The following FAF1 variants were observed in gnomAD, a reference collection of about 807,000 sequenced individuals.
The protein encoded by FAF1 is Fas associated factor 1, also known as FAS-associated factor 1.
FAF1 carries 25 observed loss-of-function variants against 92.5 expected under a neutral mutation model. The ratio of observed to expected loss-of-function variants is 0.27; its 90% CI spans 0.20 to 0.38. FAF1 has a LOEUF of 0.38. FAF1 is among the 10% of genes least tolerant of loss of function. The pLI, the probability that FAF1 is intolerant of heterozygous loss-of-function variation, is 1.00. For missense variants in FAF1, 636 were observed against 793.3 expected (o/e 0.80, Z 2.38); for synonymous variants, 234 against 273.2 (o/e 0.86, Z 1.42).
chr1:50,826,958 G>A (rs956574486), intron 2 of FAF1, among the ~76,000 whole-genome samples: 2 of 151,454 alleles, frequency 1.3e-5, no homozygotes, highest in Admixed American at 1.3e-4. Context: ...CCCCGTCTGG[G>A]AGGTGAGGAG....
At chr1:50,835,486 G>A (rs1336366141) in intron 2 of FAF1, among the ~76,000 whole-genome samples, 1 of 147,872 alleles carries the variant, frequency 6.8e-6, no homozygotes, top group Non-Finnish European at 1.5e-5. Context: ...CAGGAGAATC[G>A]CTTGAACCCA....
chr1:50,794,789 A>ATTTTTTTTTT (rs59806816), intron 3 of FAF1, among the ~76,000 whole-genome samples: 8 of 123,484 alleles, frequency 6.5e-5, no homozygotes, highest in Non-Finnish European at 1.0e-4. Flanking sequence ...TCACCCAGCT[A>ATTTTTTTTTT]TTTTTTTTTT....
At chr1:50,638,445 C>CTTTTTCT (rs1654164569) in intron 8 of FAF1, among the ~76,000 whole-genome samples, 1 of 131,628 alleles carries the variant, frequency 7.6e-6, no homozygotes, top group Non-Finnish European at 1.6e-5. Context: ...TTTTCTTTTT[C>CTTTTTCT]TTTTTTTTTT....
chr1:50,958,766 G>C lies in FAF1; in HGVS notation c.45+1001C>G, dbSNP rs564298810. ...AAAAGCCCAACAAAATTTCAGCAAG[G>C]AAAAATACTGCCTACTAAGCTAGTG... On this transcript the variant is annotated intron_variant, in intron 1 of 18. Coordinates refer to ENST00000396153, the MANE Select transcript of FAF1 (RefSeq NM_007051.3). 1.6e-4 allele frequency among the ~76,000 whole-genome samples: 25 copies of C among 152,132 alleles called. No individual in the cohort carries two copies. The South Asian group carries it at 5.0e-3, about 30-fold the overall frequency.
At chr1:50,891,870 T>TACTCTCTTCA (rs1313900468) in intron 1 of FAF1, among the ~76,000 whole-genome samples, 1 of 152,216 alleles carries the variant, frequency 6.6e-6, no homozygotes, top group African/African-American at 2.4e-5. Context: ...GGAGAACCAA[T>TACTCTCTTCA]ACTCTCTTCA....
chr1:50,542,960 T>C (rs1648828556), intron 13 of FAF1, among the ~76,000 whole-genome samples: 1 of 152,226 alleles, frequency 6.6e-6, no homozygotes, highest in South Asian at 2.1e-4. Context: ...GATATACTTT[T>C]ATATTTTCCA....
intron 7 of FAF1, among the ~76,000 whole-genome samples, chr1:50,675,938 C>T (rs1656099119): frequency 1.3e-5 from 2 of 152,304 alleles, no homozygotes; most frequent in Non-Finnish European, 2.9e-5. Flanking sequence ...TTCATGCTCA[C>T]ATCAATTCTA....
chr1:50,548,422 A>G (rs1649137764), intron 13 of FAF1, among the ~76,000 whole-genome samples: 1 of 152,198 alleles, frequency 6.6e-6, no homozygotes. Flanking sequence ...CTGTATTCCT[A>G]GCACCTACTA....
intron 1 of FAF1, among the ~76,000 whole-genome samples, chr1:50,927,957 A>G (rs1645019036): frequency 6.6e-6 from 1 of 152,174 alleles, no homozygotes; most frequent in Non-Finnish European, 1.5e-5. Flanking sequence ...CATGTTGTGC[A>G]AATTCAAACT....
At chr1:50,446,891 G>C (rs1646233059) in intron 18 of FAF1, among the ~76,000 whole-genome samples, 2 of 151,852 alleles carry the variant, frequency 1.3e-5, no homozygotes, top group Admixed American at 6.6e-5. Flanking sequence ...CTGTAGATTA[G>C]GAAACAAGAC....
chr1:50,438,262 G>A lies in FAF1; in HGVS notation c.*3178C>T, dbSNP rs1646143447. 1 of 152,162 alleles carries A rather than the reference G, an allele frequency of 6.6e-6. No individual in the cohort carries two copies. Among genetic ancestry groups the A allele is most frequent in the Non-Finnish European group, 1.5e-5 (1 of 68,058 alleles). 9.4% of individuals were successfully genotyped at this position (152,162 alleles called of 1,614,324 possible). A position where few individuals can be genotyped will look rare whatever the true frequency, so the allele number is the denominator to read the frequency against. ...TCCAATTGCAAAGTGCTATCAGAAT[G>A]TTGTAAGGACACTGAGGTTCAGAGA... On this transcript the variant is annotated 3_prime_UTR_variant, in exon 19 of 19. Coordinates refer to ENST00000396153, the MANE Select transcript of FAF1 (RefSeq NM_007051.3).
At chr1:50,725,103 T>C (rs1298220181) in intron 6 of FAF1, among the ~76,000 whole-genome samples, 1 of 152,238 alleles carries the variant, frequency 6.6e-6, no homozygotes, top group Non-Finnish European at 1.5e-5. Flanking sequence ...ATCAGGTGCT[T>C]GCCCGGCCAT....
chr1:50,892,525 T>C (rs1644728333), intron 1 of FAF1, among the ~76,000 whole-genome samples: 1 of 152,228 alleles, frequency 6.6e-6, no homozygotes, highest in South Asian at 2.1e-4. Context: ...TGCCACTCTC[T>C]GCAGCCTGTA....
At chr1:50,710,648 G>C (rs906483626) in intron 6 of FAF1, among the ~76,000 whole-genome samples, 1 of 151,864 alleles carries the variant, frequency 6.6e-6, no homozygotes, top group Non-Finnish European at 1.5e-5. Flanking sequence ...TGTCACCCAG[G>C]CTGGAGTGCA....
At chr1:50,793,825 C>T (rs963920240) in intron 3 of FAF1, among the ~76,000 whole-genome samples, 3 of 152,134 alleles carry the variant, frequency 2.0e-5, no homozygotes, top group Non-Finnish European at 4.4e-5. Context: ...ATAGATTGGT[C>T]CTGAATTGCA....
intron 1 of FAF1, among the ~76,000 whole-genome samples, chr1:50,911,896 G>T (rs1644888451): frequency 6.6e-6 from 1 of 151,954 alleles, no homozygotes; most frequent in Non-Finnish European, 1.5e-5. Context: ...AATCAATCAG[G>T]CATGGTGGCA....
At chr1:50,628,541 A>G (rs1241792832) in intron 8 of FAF1, among the ~76,000 whole-genome samples, 1 of 152,128 alleles carries the variant, frequency 6.6e-6, no homozygotes, top group African/African-American at 2.4e-5. Flanking sequence ...CAATTAGTAA[A>G]CCCTTGGCTA....
intron 7 of FAF1, among the ~76,000 whole-genome samples, chr1:50,701,094 T>A (rs1569795134): frequency 6.6e-6 from 1 of 152,146 alleles, no homozygotes; most frequent in African/African-American, 2.4e-5. Context: ...GAAAGCTGAA[T>A]AAAGGCTTGA....
intron 13 of FAF1, among the ~76,000 whole-genome samples, chr1:50,546,512 C>G (rs764390709): frequency 3.3e-5 from 5 of 151,824 alleles, no homozygotes; most frequent in African/African-American, 1.2e-4. Context: ...ATTACAGGCA[C>G]GCGCCACCAC....
Sources: gnomAD v4.1 joint callset for allele counts (sites outside exome capture counted in the v4.1 genomes callset) on GRCh38, gnomAD v4.1.1 for gene constraint, MANE v1.5 for transcripts, NCBI Gene and HGNC (gene_info 2026-07-23, HGNC 2026-07-21) for gene names.